The following DPYD variants were observed in gnomAD, a reference collection of about 807,000 sequenced individuals.
The protein encoded by DPYD is dihydropyrimidine dehydrogenase [NADP(+)].
A neutral mutation model predicts 116.2 loss-of-function variants in DPYD; 109 were observed. The observed-to-expected ratio is 0.94, with a 90% CI of 0.80 to 1.10. The LOEUF (loss-of-function observed/expected upper bound fraction) is 1.10, where lower values mean the gene tolerates loss of function less well. Ranked by LOEUF, DPYD falls within the 50% of genes least tolerant of loss-of-function variation. The pLI is 0.00. For synonymous variants in DPYD, 440 were observed against 432.0 expected (o/e 1.02, Z -0.23); for missense variants, 1,302 against 1,254.5 (o/e 1.04, Z -0.57).
At chr1:97,581,982 T>A (rs757495431) in intron 10 of DPYD, among the ~76,000 whole-genome samples, 1 of 152,134 alleles carries the variant, frequency 6.6e-6, no homozygotes, top group Non-Finnish European at 1.5e-5. Flanking sequence ...AACATCCTAC[T>A]GGGAAACAAA....
intron 14 of DPYD, among the ~76,000 whole-genome samples, chr1:97,397,334 C>A (rs1673070719): frequency 6.6e-6 from 1 of 151,950 alleles, no homozygotes; most frequent in Admixed American, 6.6e-5. Context: ...TATGGTATGT[C>A]TTATATGTAT....
chr1:97,752,506 T>C (rs538812558), intron 3 of DPYD, among the ~76,000 whole-genome samples: 17 of 152,280 alleles, frequency 1.1e-4, no homozygotes, highest in African/African-American at 3.6e-4. Flanking sequence ...ACATTCTCCT[T>C]AAGGGGAGAA....
chr1:97,587,989 G>A (rs1019898354), intron 10 of DPYD, among the ~76,000 whole-genome samples: 2 of 152,042 alleles, frequency 1.3e-5, no homozygotes, highest in Admixed American at 6.6e-5. Context: ...TATGCTGTGT[G>A]GTGGTGGAAA....
chr1:97,903,334 C>A (rs539709801), intron 1 of DPYD, among the ~76,000 whole-genome samples: 1 of 151,524 alleles, frequency 6.6e-6, no homozygotes, highest in Non-Finnish European at 1.5e-5. Flanking sequence ...AGTTTTAATC[C>A]GAATGAATGA....
chr1:97,760,903 A>G (rs1175413807), intron 3 of DPYD, among the ~76,000 whole-genome samples: 5 of 152,062 alleles, frequency 3.3e-5, no homozygotes, highest in African/African-American at 4.8e-5. Context: ...GGTGGATAGG[A>G]CTGATCTTCC....
intron 3 of DPYD, among the ~76,000 whole-genome samples, chr1:97,796,679 A>AAG (rs1458782961): frequency 6.6e-6 from 1 of 152,082 alleles, no homozygotes; most frequent in African/African-American, 2.4e-5. Context: ...TGAGACAGAG[A>AAG]AGAGAGAACA....
chr1:97,316,306 A>T (rs755666935), intron 16 of DPYD, among the ~76,000 whole-genome samples: 1 of 151,186 alleles, frequency 6.6e-6, no homozygotes, highest in East Asian at 2.0e-4. Context: ...CCTGGCCCAC[A>T]TGGCAAATCC....
intron 3 of DPYD, among the ~76,000 whole-genome samples, chr1:97,794,714 T>C (rs979039798): frequency 6.6e-6 from 1 of 152,088 alleles, no homozygotes; most frequent in Non-Finnish European, 1.5e-5. Context: ...TCTTTACATA[T>C]TATACTTTTC....
At chr1:97,196,248 C>T (rs1444672584) in intron 19 of DPYD, among the ~76,000 whole-genome samples, 2 of 152,042 alleles carry the variant, frequency 1.3e-5, no homozygotes, top group African/African-American at 4.8e-5. Flanking sequence ...TACAGGCACA[C>T]ACCACCATGC....
intron 16 of DPYD, among the ~76,000 whole-genome samples, chr1:97,353,425 G>C (rs570078502): frequency 3.6e-4 from 55 of 152,238 alleles, no homozygotes; most frequent in African/African-American, 1.3e-3. Context: ...TAACTCTCAA[G>C]ACACCTCGGT....
intron 6 of DPYD, among the ~76,000 whole-genome samples, chr1:97,692,158 A>G (rs914615866): frequency 6.6e-6 from 1 of 152,106 alleles, no homozygotes; most frequent in Non-Finnish European, 1.5e-5. Context: ...CTTAAAATCT[A>G]TTAATAAAGC....
intron 13 of DPYD, among the ~76,000 whole-genome samples, chr1:97,513,953 C>A (rs1423340250): frequency 6.6e-6 from 1 of 151,784 alleles, no homozygotes; most frequent in East Asian, 1.9e-4. Context: ...TTATTTTTGT[C>A]ATTGCAATTT....
chr1:97,500,763 A>G (rs1033935049), intron 13 of DPYD, among the ~76,000 whole-genome samples: 5 of 152,096 alleles, frequency 3.3e-5, no homozygotes, highest in African/African-American at 1.2e-4. Context: ...CAGAACTGAA[A>G]CAAAACCTTC....
intron 14 of DPYD, among the ~76,000 whole-genome samples, chr1:97,438,770 T>C (rs1675600755): frequency 6.6e-6 from 1 of 152,012 alleles, no homozygotes; most frequent in South Asian, 2.1e-4. Flanking sequence ...GTAAATTAAG[T>C]GATTTTTTTG....
intron 16 of DPYD, among the ~76,000 whole-genome samples, chr1:97,346,030 T>C (rs1489546526): frequency 1.3e-5 from 2 of 151,882 alleles, no homozygotes; most frequent in African/African-American, 2.4e-5. Context: ...TTCTCATTCC[T>C]TTGCTTTTAA....
intron 20 of DPYD, among the ~76,000 whole-genome samples, chr1:97,177,909 C>A (rs1006944854): frequency 1.3e-5 from 2 of 151,986 alleles, no homozygotes; most frequent in Non-Finnish European, 2.9e-5. Context: ...CTGGGGGCGG[C>A]CTGCTTCCAT....
intron 11 of DPYD, among the ~76,000 whole-genome samples, chr1:97,560,958 A>G (rs183392876): frequency 1.3e-5 from 2 of 152,304 alleles, no homozygotes; most frequent in African/African-American, 2.4e-5. Context: ...AGATGCAGTT[A>G]TAGCACGTGA....
intron 2 of DPYD, among the ~76,000 whole-genome samples, chr1:97,880,205 C>T (rs1469010092): frequency 6.6e-6 from 1 of 151,448 alleles, no homozygotes; most frequent in Non-Finnish European, 1.5e-5. Context: ...GCTCTGGGCA[C>T]TGAAATATCT....
intron 12 of DPYD, among the ~76,000 whole-genome samples, chr1:97,544,137 T>C (rs1650647822): frequency 6.6e-6 from 1 of 152,202 alleles, no homozygotes. Context: ...TGACTCTGGC[T>C]GCAGTGTAGG....
Sources: gnomAD v4.1 joint callset for allele counts (sites outside exome capture counted in the v4.1 genomes callset) on GRCh38, gnomAD v4.1.1 for gene constraint, MANE v1.5 for transcripts, NCBI Gene and HGNC (gene_info 2026-07-23, HGNC 2026-07-21) for gene names.